The following PKD1L3 variants were observed in gnomAD, a reference collection of about 807,000 sequenced individuals.
The protein encoded by PKD1L3 is polycystin-1-like protein 3.
A neutral mutation model predicts 184.1 loss-of-function variants in PKD1L3; 239 were observed. The observed-to-expected ratio is 1.30, with a 90% CI of 1.17 to 1.45. The LOEUF (loss-of-function observed/expected upper bound fraction) is 1.45. PKD1L3 is among the 40% of genes most tolerant of loss of function. The pLI is 0.00. For synonymous variants in PKD1L3, 996 were observed against 778.8 expected, an observed-to-expected ratio of 1.28 and a Z score of -4.64; for missense variants, 2,660 against 2,067.2, an observed-to-expected ratio of 1.29 and a Z score of -5.56.
Position 71,949,927 on chromosome 16 carries a change from C to T in PKD1L3, c.3474G>A (p.Trp1158Ter), listed in dbSNP as rs548441974. The change falls in exon 21 of 30, where the codon TGG becomes TGA. Residue 1158 changes from tryptophan (W) to a stop codon, truncating the protein, a stop_gained. Coordinates refer to ENST00000620267, the MANE Select transcript of PKD1L3 (RefSeq NM_181536.2). LOFTEE classifies it high-confidence loss of function. Reference protein sequence around the residue: ...GLSKWLTSVCWLLLGFTSLAS... With the variant: ...GLSKWLTSVC ...CCAGGCTAGTGAAACCTAAGAGGAG[C>T]CAGCAGACTGAAGTCAACCATTTGG... is the stretch of plus-strand genomic sequence containing the variant. 1.9e-6 allele frequency: 3 copies of T among 1,551,662 alleles called. No individual in the cohort carries two copies. The South Asian group carries it at 3.6e-5, about 18-fold the overall frequency.
Position 71,944,186 on chromosome 16 carries a change from A to G in PKD1L3, c.3719-16T>C. ...GAACATTTTGCTGTCAAAAATTCAA[A>G]TATAGACCAAAGAAATGTTATATTT... On this transcript the variant is annotated splice_polypyrimidine_tract_variant and intron_variant, in intron 22 of 29. Coordinates refer to ENST00000620267, the MANE Select transcript of PKD1L3 (RefSeq NM_181536.2). The G allele has an allele frequency of 6.5e-6, 10 of 1,540,894 alleles. No homozygotes were observed. The highest frequency in any genetic ancestry group is 8.8e-6 in the Non-Finnish European group (10 of 1,138,752).
chr16:71,944,510 T>C (rs1416499560), intron 22 of PKD1L3, among the ~76,000 whole-genome samples: 1 of 151,938 alleles, frequency 6.6e-6, no homozygotes, highest in African/African-American at 2.4e-5. Flanking sequence ...TAGTGAGACG[T>C]TGTCTCTACA....
intron 27 of PKD1L3, 116 bp downstream of exon 27, chr16:71,933,799 C>A: frequency 8.4e-7 from 1 of 1,185,972 alleles, no homozygotes; most frequent in Admixed American, 2.3e-5. Flanking sequence ...AGATCTAAAC[C>A]CGGCTTTCCT....
At chr16:71,986,576 A>C (rs1478326221) in intron 4 of PKD1L3, 107 bp from the exon 5 acceptor site, 7 of 1,234,808 alleles carry the variant, frequency 5.7e-6, no homozygotes, top group Non-Finnish European at 7.7e-6. Context: ...ATGAGATACT[A>C]ATAGGCATTT....
At chr16:71,980,675 A>G (rs1041696928) in intron 7 of PKD1L3, among the ~76,000 whole-genome samples, 3 of 152,172 alleles carry the variant, frequency 2.0e-5, no homozygotes, top group Non-Finnish European at 2.9e-5. Flanking sequence ...CTCTACTAAA[A>G]GTACCAAAAA....
chr16:71,990,647 T>C (rs778922182), intron 3 of PKD1L3, among the ~76,000 whole-genome samples: 31 of 151,996 alleles, frequency 2.0e-4, no homozygotes, highest in Non-Finnish European at 4.6e-4. Context: ...GGCAGGACAA[T>C]TGTTTGAACC....
chr16:71,975,552 T>G (rs2039887048), intron 11 of PKD1L3, among the ~76,000 whole-genome samples: 1 of 152,162 alleles, frequency 6.6e-6, no homozygotes, highest in African/African-American at 2.4e-5. Context: ...AAATGTGAAG[T>G]ATATTTAACT....
Position 71,982,237 on chromosome 16 carries a change from T to C in PKD1L3, c.967-2A>G. The stretch of plus-strand genomic sequence containing the variant: ...AATAAGGGAATTGATGAGATTAACC[T>C]GGGAGGATTAGAAAGCAAACATACA... On this transcript the variant is annotated splice_acceptor_variant, in intron 6 of 29. Transcript: ENST00000620267. LOFTEE classifies it high-confidence loss of function. The C allele has an allele frequency of 6.9e-7, 1 of 1,459,602 alleles. No individual in the cohort carries two copies. Among genetic ancestry groups the C allele is most frequent in the Non-Finnish European group, 9.1e-7 (1 of 1,092,926 alleles). 90.4% of individuals were successfully genotyped at this position (1,459,602 alleles called of 1,614,324 possible).
At chr16:71,946,915 AGAGAGAGAAAGG>A (rs1313605739) in intron 22 of PKD1L3, among the ~76,000 whole-genome samples, 1 of 140,240 alleles carries the variant, frequency 7.1e-6, no homozygotes, top group Non-Finnish European at 1.6e-5. Context: ...GGGGAGAGAG[AGAGAGAGAAAGG>A]GAGAGAGAGA....
rs118004385 is a variant in PKD1L3, at chr16:71,963,539, C to T, written c.2466-188G>A. 7.8e-4 allele frequency among the ~76,000 whole-genome samples: 119 copies of T among 152,286 alleles called. 3 individuals carry two copies. In the East Asian group the frequency reaches 0.02, roughly 26 times the overall value. ...ATGCACACCTACAATCCCAGCACTGCGTGAGGCTGAGGCAGGTGGATTGCT... is the reference window on the plus strand; with the variant it reads ...ATGCACACCTACAATCCCAGCACTGTGTGAGGCTGAGGCAGGTGGATTGCT... On this transcript the variant is annotated intron_variant, in intron 15 of 29. Transcript: ENST00000620267.
In PKD1L3 at chr16:71,944,061, C is replaced by T. The variant is rs1180601161; in HGVS notation, c.3828G>A (p.Lys1276=). The T allele has an allele frequency of 6.4e-7, 1 of 1,552,022 alleles. No individual in the cohort carries two copies. Among genetic ancestry groups the T allele is most frequent in the African/African-American group, 1.4e-5 (1 of 73,130 alleles). ...TKHPERTLKK[K]KLFKLTGDIL... ...TATCTCCAGTCAGCTTGAAGAGTTT[C>T]TTCTTTTTCAAGGTTCTTTCTGGGT... Residue 1276 remains lysine, a synonymous_variant, in exon 23 of 30, where the codon AAG becomes AAA. Transcript: ENST00000620267.
intron 4 of PKD1L3, among the ~76,000 whole-genome samples, chr16:71,987,211 C>G (rs2040406701): frequency 6.6e-6 from 1 of 151,714 alleles, no homozygotes; most frequent in South Asian, 2.1e-4. Context: ...GCGTGAGCCA[C>G]TGCACCCGGC....
chr16:71,957,353 T>A (rs1246808656), intron 16 of PKD1L3, among the ~76,000 whole-genome samples: 2 of 152,158 alleles, frequency 1.3e-5, no homozygotes. Context: ...GATATAAACC[T>A]TACCTTATTA....
At chr16:71,942,395 G>A (rs2038391005) in intron 24 of PKD1L3, among the ~76,000 whole-genome samples, 165 bp downstream of exon 24, 1 of 151,228 alleles carries the variant, frequency 6.6e-6, no homozygotes, top group Non-Finnish European at 1.5e-5. Flanking sequence ...AATCTAATGT[G>A]ATGGGAGAAT....
intron 16 of PKD1L3, among the ~76,000 whole-genome samples, chr16:71,958,373 C>A (rs1460362455): frequency 8.1e-6 from 1 of 124,186 alleles, no homozygotes; most frequent in Non-Finnish European, 1.7e-5. Context: ...GGCGACAGAG[C>A]GAGACTCCGT....
At chr16:71,939,295 G>C (rs918385418) in intron 24 of PKD1L3, among the ~76,000 whole-genome samples, 2 of 152,202 alleles carry the variant, frequency 1.3e-5, no homozygotes, top group South Asian at 2.1e-4. Context: ...TCTGTACCTG[G>C]CTGTCTCTTG....
At chr16:71,964,688 CA>C (rs1174476457) in intron 15 of PKD1L3, among the ~76,000 whole-genome samples, 1 of 151,758 alleles carries the variant, frequency 6.6e-6, no homozygotes, top group African/African-American at 2.4e-5. Flanking sequence ...ATCAAAATAT[CA>C]CCCCCAAAAG....
At position 71,977,436 on chromosome 16, in the gene PKD1L3, G is replaced by A; in HGVS notation, c.1559C>T (p.Thr520Ile). The change falls in exon 11 of 30, where the codon ACC (threonine) becomes ATC (isoleucine). Residue 520 changes from threonine to isoleucine, a missense_variant. Coordinates refer to ENST00000620267, the MANE Select transcript of PKD1L3 (RefSeq NM_181536.2). Reference protein sequence around the residue: ...IMLWRNVSLETHPTSLNMSTH... With the variant: ...IMLWRNVSLEIHPTSLNMSTH... ...GCTCATGTTGAGGCTGGTGGGATGG[G>A]TTTCCAAGCTAACATTTCTCCAGAG... 1.3e-6 allele frequency: 2 copies of A among 1,551,228 alleles called. No individual in the cohort carries two copies. The highest frequency in any genetic ancestry group is 1.2e-5 in the South Asian group (1 of 84,056).
chr16:71,932,287 A>C (rs1425970224), intron 28 of PKD1L3, among the ~76,000 whole-genome samples: 5 of 152,150 alleles, frequency 3.3e-5, no homozygotes, highest in Admixed American at 3.3e-4. Context: ...TACCCTTTAC[A>C]TACCAGGGTT....
Sources: allele counts gnomAD v4.1 joint callset (sites outside exome capture counted in the v4.1 genomes callset), GRCh38; gene constraint gnomAD v4.1.1; transcripts MANE v1.5; gene names NCBI Gene and HGNC (gene_info 2026-07-23, HGNC 2026-07-21).